Variants in FZD3 observed in about 807,000 individuals in gnomAD.
FZD3 encodes the protein frizzled class receptor 3, also known as frizzled-3.
In FZD3, 30 loss-of-function variants were observed where a neutral mutation model predicts 60.7. The observed-to-expected ratio is 0.49, with a 90% CI of 0.37 to 0.67. The LOEUF is 0.67. FZD3 is among the 30% of genes least tolerant of loss of function. FZD3 has a pLI of 0.00. For synonymous variants in FZD3, 246 were observed against 275.2 expected (o/e 0.89, Z 1.05); for missense variants, 605 against 838.7 (o/e 0.72, Z 3.44).
intron 4 of FZD3, among the ~76,000 whole-genome samples, chr8:28,525,086 C>G (rs1804682540): frequency 6.6e-6 from 1 of 152,120 alleles, no homozygotes; most frequent in African/African-American, 2.4e-5. Context: ...TCAAGTCTGT[C>G]TTTTACACTG....
At chr8:28,543,932 A>G (rs1805235550) in intron 5 of FZD3, among the ~76,000 whole-genome samples, 1 of 152,126 alleles carries the variant, frequency 6.6e-6, no homozygotes, top group Non-Finnish European at 1.5e-5. Flanking sequence ...GGGGAGATGT[A>G]TCTATCAGCT....
intron 3 of FZD3, among the ~76,000 whole-genome samples, chr8:28,512,054 G>A (rs567652054): frequency 9.2e-5 from 14 of 152,288 alleles, no homozygotes; most frequent in African/African-American, 3.4e-4. Context: ...GGTGGGGATG[G>A]TGATGGTAAT....
At chr8:28,525,197 T>G (rs1272553230) in intron 4 of FZD3, among the ~76,000 whole-genome samples, 3 of 152,222 alleles carry the variant, frequency 2.0e-5, no homozygotes, top group African/African-American at 7.2e-5. Flanking sequence ...TTTGGTGTGC[T>G]AGGCACTATT....
At chr8:28,556,502 C>T (rs1442436292) in intron 7 of FZD3, among the ~76,000 whole-genome samples, 1 of 152,178 alleles carries the variant, frequency 6.6e-6, no homozygotes. Flanking sequence ...GGAACAGTGC[C>T]TATCTCAGTG....
At chr8:28,528,876 C>A (rs1393982907) in intron 5 of FZD3, among the ~76,000 whole-genome samples, 1 of 152,090 alleles carries the variant, frequency 6.6e-6, no homozygotes, top group Non-Finnish European at 1.5e-5. Flanking sequence ...TATTTCTTAT[C>A]TTTAGTACTT....
intron 5 of FZD3, among the ~76,000 whole-genome samples, chr8:28,537,532 A>G (rs955257503): frequency 2.3e-4 from 8 of 35,138 alleles, no homozygotes; most frequent in Admixed American, 1.7e-3. Flanking sequence ...GCTATGGTAC[A>G]ACTACTCAGC....
At chr8:28,505,744 AAG>A (rs990014531) in intron 3 of FZD3, among the ~76,000 whole-genome samples, 112 of 152,346 alleles carry the variant, frequency 7.4e-4, no homozygotes, top group African/African-American at 2.1e-3. Context: ...AAATAGGAGA[AAG>A]AGCAGAATCT....
rs1428762910 is a variant in FZD3, at chr8:28,562,916, A to G, written c.1906A>G (p.Ser636Gly). The change falls in exon 8 of 8, where the codon AGC (serine) becomes GGC (glycine). Residue 636 changes from serine (S) to glycine (G), a missense_variant. Transcript: ENST00000240093. ...SHRLNEQSRH[S>G]SIRDLSNNPM... ...TCGGCTCAATGAACAGTCACGACAT[A>G]GCAGCATCAGAGATCTCAGTAATAA... is the stretch of plus-strand genomic sequence containing the variant. The G allele has an allele frequency of 2.8e-5, 45 of 1,612,902 alleles. No homozygotes were observed. Among genetic ancestry groups the G allele is most frequent in the Non-Finnish European group, 3.6e-5 (43 of 1,178,956 alleles).
chr8:28,573,334 A>G lies in FZD3; in HGVS notation c.*10323A>G, dbSNP rs1379552039. 2 of 152,078 alleles carry G rather than the reference A, an allele frequency of 1.3e-5. No homozygotes were observed. Among genetic ancestry groups the G allele is most frequent in the Non-Finnish European group, 2.9e-5 (2 of 68,000 alleles). 9.4% of individuals were successfully genotyped at this position (152,078 alleles called of 1,614,324 possible). A position where few individuals can be genotyped will look rare whatever the true frequency, so the allele number is the denominator to read the frequency against. ...AACACATTGCTGTTAGCTCAAATTAATGTCAGTGAGTAGAATCTTAAGCTT... is the reference window on the plus strand; with the variant it reads ...AACACATTGCTGTTAGCTCAAATTAGTGTCAGTGAGTAGAATCTTAAGCTT... On this transcript the variant is annotated 3_prime_UTR_variant, in exon 8 of 8. Transcript: ENST00000240093.
At chr8:28,559,172 A>G (rs1271453550) in intron 7 of FZD3, among the ~76,000 whole-genome samples, 1 of 152,210 alleles carries the variant, frequency 6.6e-6, no homozygotes, top group Admixed American at 6.5e-5. Flanking sequence ...ATCTGAATAG[A>G]GCTGTAGCTT....
intron 5 of FZD3, among the ~76,000 whole-genome samples, chr8:28,543,389 T>G (rs1805218008): frequency 1.6e-5 from 2 of 124,586 alleles, no homozygotes; most frequent in South Asian, 4.3e-4. Context: ...TTTGTTTTTG[T>G]TTTTTTTTTG....
At position 28,566,883 on chromosome 8, in the gene FZD3, A is replaced by T. The variant is rs918916325; in HGVS notation, c.*3872A>T. On this transcript the variant is annotated 3_prime_UTR_variant, in exon 8 of 8. Transcript: ENST00000240093. ...TTTGTTTCTTCAATGTAAAATGTGG[A>T]TAAGGTAATTTTTGGTTTTAGCCTC... The T allele has an allele frequency of 6.6e-6, 1 of 152,166 alleles. No homozygotes were observed. Among genetic ancestry groups the T allele is most frequent in the African/African-American group, 2.4e-5 (1 of 41,438 alleles). The allele number at this position is 152,166 out of a possible 1,614,324, so 9.4% of individuals were successfully genotyped here. A position where few individuals can be genotyped will look rare whatever the true frequency, so the allele number is the denominator to read the frequency against.
In FZD3 at chr8:28,502,946, G is replaced by T. The variant is rs556268114; in HGVS notation, c.-68G>T. Reference sequence around the variant, plus strand: ...AGTACCTTCGAGCTGAGACCTGCAGGTGTATAAATATCTAAAATACATATT... The same window carrying T: ...AGTACCTTCGAGCTGAGACCTGCAGTTGTATAAATATCTAAAATACATATT... On this transcript the variant is annotated 5_prime_UTR_variant, in exon 3 of 8. Transcript: ENST00000240093. The T allele has an allele frequency of 2.5e-4, 248 of 985,606 alleles. No homozygotes were observed. The highest frequency in any genetic ancestry group is 3.3e-4 in the Non-Finnish European group (212 of 648,746). The allele number at this position is 985,606 out of a possible 1,614,324, so 61.1% of individuals were successfully genotyped here. A position where few individuals can be genotyped will look rare whatever the true frequency, so the allele number is the denominator to read the frequency against.
chr8:28,521,284 A>G (rs1019293697), intron 4 of FZD3, among the ~76,000 whole-genome samples: 2 of 152,158 alleles, frequency 1.3e-5, no homozygotes, highest in Admixed American at 6.5e-5. Flanking sequence ...AATGTCAAAT[A>G]CTTTTCAAAT....
chr8:28,564,837 A>G lies in FZD3; in HGVS notation c.*1826A>G, dbSNP rs1456101059. 2 of 152,144 alleles carry G rather than the reference A, an allele frequency of 1.3e-5. No homozygotes were observed. The highest frequency in any genetic ancestry group is 4.8e-5 in the African/African-American group (2 of 41,458). The allele number at this position is 152,144 out of a possible 1,614,324, so 9.4% of individuals were successfully genotyped here. On this transcript the variant is annotated 3_prime_UTR_variant, in exon 8 of 8. Coordinates refer to ENST00000240093, the MANE Select transcript of FZD3 (RefSeq NM_017412.4). ...TTAACAATTTAACTCTCCGAGCCTC[A>G]GTTCCCTTGTTTGTAAATGAAGATA...
chr8:28,555,681 C>T (rs894325766), intron 6 of FZD3, 57 bp from the exon 7 acceptor site: 41 of 948,556 alleles, frequency 4.3e-5, no homozygotes, highest in Non-Finnish European at 6.7e-5. Flanking sequence ...AGAAGTATTG[C>T]TTATTGGTCT....
intron 3 of FZD3, among the ~76,000 whole-genome samples, chr8:28,518,902 A>T (rs996714092): frequency 6.6e-6 from 1 of 152,146 alleles, no homozygotes. Context: ...TTCCCTCTAA[A>T]GTTCTTTAGC....
intron 3 of FZD3, among the ~76,000 whole-genome samples, chr8:28,513,307 A>C (rs996948769): frequency 2.6e-5 from 4 of 152,192 alleles, no homozygotes; most frequent in African/African-American, 9.6e-5. Flanking sequence ...TGATATTGGA[A>C]ATATTAAAAG....
At chr8:28,533,749 G>A (rs73559432) in intron 5 of FZD3, among the ~76,000 whole-genome samples, 301 of 152,166 alleles carry the variant, frequency 2.0e-3, no homozygotes, top group African/African-American at 7.0e-3. Context: ...ACTTGGATAC[G>A]TTTTAAAAAT....
Sources: allele counts gnomAD v4.1 joint callset (sites outside exome capture counted in the v4.1 genomes callset), GRCh38; gene constraint gnomAD v4.1.1; transcripts MANE v1.5; gene names NCBI Gene and HGNC (gene_info 2026-07-23, HGNC 2026-07-21).